TLL1: variants seen among roughly 807,000 people sequenced by gnomAD.
TLL1 encodes tolloid like 1, also known as tolloid-like protein 1.
TLL1 carries 49 observed loss-of-function variants against 128.2 expected under a neutral mutation model. The observed-to-expected ratio is 0.38, with a 90% CI of 0.30 to 0.48. TLL1 has a LOEUF of 0.48. Among genes scored for constraint, TLL1 ranks in the 20% least tolerant of loss-of-function variants. The pLI is 0.96. For synonymous variants in TLL1, 454 were observed against 418.8 expected, an observed-to-expected ratio of 1.08 and a Z score of -1.03; for missense variants, 1,123 against 1,242.0, an observed-to-expected ratio of 0.90 and a Z score of 1.44.
intron 12 of TLL1, among the ~76,000 whole-genome samples, chr4:166,051,811 A>G (rs1488494916): frequency 2.0e-5 from 3 of 152,222 alleles, no homozygotes; most frequent in African/African-American, 4.8e-5. Context: ...AGGCAACTCA[A>G]AATCTGTGGC....
intron 9 of TLL1, among the ~76,000 whole-genome samples, chr4:166,036,102 CT>C (rs1212069074): frequency 1.3e-5 from 2 of 152,052 alleles, no homozygotes; most frequent in Non-Finnish European, 2.9e-5. Context: ...CGCTAATTGG[CT>C]TTTTTTGTGG....
At chr4:165,960,778 C>G (rs914765056) in intron 1 of TLL1, among the ~76,000 whole-genome samples, 1 of 151,990 alleles carries the variant, frequency 6.6e-6, no homozygotes, top group Non-Finnish European at 1.5e-5. Context: ...GATAAAAACC[C>G]TCAACAAACT....
chr4:166,059,657 AT>A (rs202101178), intron 14 of TLL1, among the ~76,000 whole-genome samples: 3 of 151,566 alleles, frequency 2.0e-5, no homozygotes, highest in Non-Finnish European at 4.4e-5. Flanking sequence ...CAAAAAAAAA[AT>A]TTTTTTCCTT....
At chr4:166,044,079 G>C (rs1450679130) in intron 12 of TLL1, among the ~76,000 whole-genome samples, 1 of 152,094 alleles carries the variant, frequency 6.6e-6, no homozygotes, top group African/African-American at 2.4e-5. Context: ...AGAAATAGAG[G>C]AATTTCTCAG....
rs1331707770 is a variant in TLL1 at position 165,966,185 on chromosome 4, A to G, written c.170-23196A>G. On this transcript the variant is annotated intron_variant, in intron 1 of 20. Coordinates refer to ENST00000061240, the MANE Select transcript of TLL1 (RefSeq NM_012464.5). ...AGAGCAAGACTCCATCTCAAAAAAA[A>G]AAAAAAAAAAAGAAGGATTAGAGGA... Among the ~76,000 whole-genome samples, 6 of 151,872 alleles carry G rather than the reference A, an allele frequency of 4.0e-5. No homozygotes were observed. The South Asian group carries it at 1.0e-3, about 26-fold the overall frequency.
At chr4:165,908,339 C>T (rs138815263) in intron 1 of TLL1, among the ~76,000 whole-genome samples, 5 of 152,088 alleles carry the variant, frequency 3.3e-5, no homozygotes, top group Non-Finnish European at 1.5e-5. Flanking sequence ...CCTGTCATCC[C>T]AGCACTTTGG....
In TLL1 at chr4:166,102,371, A is replaced by T. The variant is rs186585621; in HGVS notation, c.*1495A>T. The T allele has an allele frequency of 1.1e-4, 17 of 152,498 alleles. No individual in the cohort carries two copies. Among genetic ancestry groups the T allele is most frequent in the African/African-American group, 4.1e-4 (17 of 41,538 alleles). The allele number at this position is 152,498 out of a possible 1,614,324, so 9.4% of individuals were successfully genotyped here. A position where few individuals can be genotyped will look rare whatever the true frequency, so the allele number is the denominator to read the frequency against. On this transcript the variant is annotated 3_prime_UTR_variant, in exon 21 of 21. Coordinates refer to ENST00000061240, the MANE Select transcript of TLL1 (RefSeq NM_012464.5). ...GTGTTTTTAAAATTAATGAATGTAG[A>T]TGTGTGATTGTCTGAGTGAGTGAAA...
At chr4:165,952,062 T>G (rs775842954) in intron 1 of TLL1, among the ~76,000 whole-genome samples, 8 of 152,260 alleles carry the variant, frequency 5.3e-5, no homozygotes, top group Admixed American at 5.2e-4. Flanking sequence ...AAATAAAAAG[T>G]TGACTTTTCA....
intron 1 of TLL1, among the ~76,000 whole-genome samples, chr4:165,936,568 C>G (rs1332172708): frequency 2.0e-5 from 3 of 151,876 alleles, no homozygotes; most frequent in Non-Finnish European, 4.4e-5. Context: ...GTTATAATGC[C>G]CAGAGCAACT....
intron 6 of TLL1, among the ~76,000 whole-genome samples, chr4:166,004,674 A>G (rs1038973997): frequency 1.3e-5 from 2 of 152,118 alleles, no homozygotes; most frequent in Non-Finnish European, 2.9e-5. Context: ...TTTCAAGCGA[A>G]AAGGACTTCA....
chr4:166,010,890 T>A (rs1579620113), intron 7 of TLL1, among the ~76,000 whole-genome samples: 1 of 151,394 alleles, frequency 6.6e-6, no homozygotes, highest in East Asian at 1.9e-4. Context: ...TCAGTGTCAT[T>A]TGTTGAAAAA....
At chr4:166,078,130 A>T (rs1741120692) in intron 18 of TLL1, 100 bp downstream of exon 18, 1 of 1,553,828 alleles carries the variant, frequency 6.4e-7, no homozygotes, top group African/African-American at 1.4e-5. Context: ...ATTGAATCGA[A>T]TCGTAGGCAG....
chr4:165,903,109 C>T (rs150910389), intron 1 of TLL1, among the ~76,000 whole-genome samples: 3,558 of 152,166 alleles, frequency 0.023, 147 homozygotes, highest in African/African-American at 0.081. Flanking sequence ...GAGGCTGAGG[C>T]ACGCAGATCA....
At chr4:165,898,535 T>C (rs1198347511) in intron 1 of TLL1, among the ~76,000 whole-genome samples, 1 of 152,222 alleles carries the variant, frequency 6.6e-6, no homozygotes, top group Non-Finnish European at 1.5e-5. Flanking sequence ...ATTATGTTTA[T>C]TGATTTGCAT....
rs1272126973 is a variant in TLL1, at chr4:166,104,307, CATT to C, written c.*3434_*3436del. 6.6e-6 allele frequency among the ~76,000 whole-genome samples: 1 copy of C among 151,870 alleles called. No homozygotes were observed. Among genetic ancestry groups the C allele is most frequent in the Non-Finnish European group, 1.5e-5 (1 of 67,890 alleles). Reference sequence around the variant, plus strand: ...TTAGAAGGACTGCAACCCTATGTGACATTATAACTTACTTAAAACAGTTATCAA... The same window carrying C: ...TTAGAAGGACTGCAACCCTATGTGACATAACTTACTTAAAACAGTTATCAA... On this transcript the variant is annotated 3_prime_UTR_variant, in exon 21 of 21. Coordinates refer to ENST00000061240, the MANE Select transcript of TLL1 (RefSeq NM_012464.5).
chr4:165,907,174 C>T (rs975779872), intron 1 of TLL1, among the ~76,000 whole-genome samples: 2 of 152,048 alleles, frequency 1.3e-5, no homozygotes, highest in African/African-American at 4.8e-5. Flanking sequence ...ACTTGTGACC[C>T]CAGTTTAGCA....
intron 15 of TLL1, among the ~76,000 whole-genome samples, chr4:166,063,465 A>G: frequency 6.6e-6 from 1 of 152,182 alleles, no homozygotes; most frequent in East Asian, 1.9e-4. Context: ...TAGAAATACC[A>G]TTTGACCCAG....
intron 1 of TLL1, among the ~76,000 whole-genome samples, chr4:165,973,372 C>T (rs1735715929): frequency 6.6e-6 from 1 of 151,720 alleles, no homozygotes; most frequent in African/African-American, 2.4e-5. Flanking sequence ...CAGGATGGTG[C>T]TATCAAATAA....
intron 1 of TLL1, among the ~76,000 whole-genome samples, chr4:165,899,605 G>A (rs563898177): frequency 3.6e-4 from 55 of 152,126 alleles, no homozygotes; most frequent in Admixed American, 1.4e-3. Flanking sequence ...TATGATTTCC[G>A]TTCTTTTGCA....
Sources: allele counts gnomAD v4.1 joint callset (sites outside exome capture counted in the v4.1 genomes callset), GRCh38; gene constraint gnomAD v4.1.1; transcripts MANE v1.5; gene names NCBI Gene and HGNC (gene_info 2026-07-23, HGNC 2026-07-21).